Variants in HTR2A observed in about 807,000 individuals in gnomAD.
HTR2A encodes the protein 5-hydroxytryptamine receptor 2A.
HTR2A carries 14 observed loss-of-function variants against 31.0 expected under a neutral mutation model. That is an observed-to-expected ratio of 0.45 (90% confidence interval 0.30 to 0.71). HTR2A has a LOEUF of 0.71. Ranked by LOEUF, HTR2A falls within the 30% of genes least tolerant of loss-of-function variation. The pLI is 0.09. For missense variants in HTR2A, 442 were observed against 573.3 expected (o/e 0.77, Z 2.34); for synonymous variants, 209 against 225.2 (o/e 0.93, Z 0.64).
chr13:46,833,705 T>C lies in HTR2A; in HGVS notation c.*1132A>G, dbSNP rs1193970438. ...GAAGGCAAGGATTTTGTTTTAATTA[T>C]TTTTATATTTCTCATATCTAGAAAT... On this transcript the variant is annotated 3_prime_UTR_variant, in exon 4 of 4. Coordinates refer to ENST00000542664, the MANE Select transcript of HTR2A (RefSeq NM_000621.5). 2.0e-5 allele frequency: 3 copies of C among 152,220 alleles called. No homozygotes were observed. Among genetic ancestry groups the C allele is most frequent in the Non-Finnish European group, 2.9e-5 (2 of 68,044 alleles). 9.4% of individuals were successfully genotyped at this position (152,220 alleles called of 1,614,324 possible).
In HTR2A at chr13:46,835,131, T is replaced by A. The variant is rs368541492; in HGVS notation, c.1122A>T (p.Ala374=). Residue 374 remains alanine (A), a synonymous_variant, in exon 4 of 4, where the codon GCA becomes GCT. Transcript: ENST00000542664. ...VFVWIGYLSS[A]VNPLVYTLFN... is the part of the protein sequence containing the mutation. ...ACAGTGTGTAGACTAGTGGGTTGAC[T>A]GCTGAAGAGAGATAACCGATCCAAA... is the stretch of plus-strand genomic sequence containing the variant. 4 of 1,613,970 alleles carry A rather than the reference T, an allele frequency of 2.5e-6. No homozygotes were observed. In the South Asian group the frequency reaches 4.4e-5, roughly 18 times the overall value.
chr13:46,879,427 C>T (rs1950943102), intron 3 of HTR2A, among the ~76,000 whole-genome samples: 1 of 151,898 alleles, frequency 6.6e-6, no homozygotes, highest in Non-Finnish European at 1.5e-5. Context: ...AGGCTGCAGC[C>T]AATGTTGCTT....
At chr13:46,893,861 G>A (rs1951076000) in intron 2 of HTR2A, among the ~76,000 whole-genome samples, 1 of 152,168 alleles carries the variant, frequency 6.6e-6, no homozygotes, top group Admixed American at 6.5e-5. Flanking sequence ...AAACTCCAAC[G>A]CAAACGTACA....
intron 3 of HTR2A, among the ~76,000 whole-genome samples, chr13:46,874,331 C>T (rs1472268881): frequency 6.6e-6 from 1 of 152,182 alleles, no homozygotes; most frequent in Non-Finnish European, 1.5e-5. Flanking sequence ...CACAGGCTGG[C>T]ATCCTAGTGT....
intron 3 of HTR2A, among the ~76,000 whole-genome samples, chr13:46,876,758 C>T (rs1950917298): frequency 6.6e-6 from 1 of 152,072 alleles, no homozygotes; most frequent in African/African-American, 2.4e-5. Context: ...ATATATCTGT[C>T]AAACTCTTTT....
chr13:46,842,194 G>A (rs1566300512), intron 3 of HTR2A, among the ~76,000 whole-genome samples: 1 of 152,034 alleles, frequency 6.6e-6, no homozygotes, highest in Non-Finnish European at 1.5e-5. Context: ...TTTAATGAGT[G>A]GATATTACAC....
chr13:46,840,894 C>T (rs1472530704), intron 3 of HTR2A, among the ~76,000 whole-genome samples: 1 of 152,140 alleles, frequency 6.6e-6, no homozygotes, highest in Non-Finnish European at 1.5e-5. Context: ...TGGTTTCATT[C>T]TGTGTCTCCA....
intron 3 of HTR2A, among the ~76,000 whole-genome samples, chr13:46,867,976 A>G (rs1174949200): frequency 6.6e-6 from 1 of 152,242 alleles, no homozygotes; most frequent in Non-Finnish European, 1.5e-5. Flanking sequence ...CCACATTGTA[A>G]AGTGGAAAAT....
chr13:46,873,720 G>A (rs1352406037), intron 3 of HTR2A, among the ~76,000 whole-genome samples: 1 of 152,110 alleles, frequency 6.6e-6, no homozygotes, highest in East Asian at 1.9e-4. Context: ...CCTTGCGATA[G>A]TTTACTGAGA....
At chr13:46,881,806 G>T (rs1407833255) in intron 3 of HTR2A, among the ~76,000 whole-genome samples, 1 of 152,214 alleles carries the variant, frequency 6.6e-6, no homozygotes, top group African/African-American at 2.4e-5. Flanking sequence ...GTTTCAGGCT[G>T]TGGGGCTGGG....
At chr13:46,851,371 G>T (rs1167064971) in intron 3 of HTR2A, among the ~76,000 whole-genome samples, 5 of 152,184 alleles carry the variant, frequency 3.3e-5, no homozygotes, top group Non-Finnish European at 7.3e-5. Context: ...TTGATACATT[G>T]TATATTCTGG....
Position 46,896,633 on chromosome 13 carries a change from A to T in HTR2A, c.-329+41T>A, listed in dbSNP as rs1289282734. On this transcript the variant is annotated intron_variant, in intron 1 of 3. Coordinates refer to ENST00000542664, the MANE Select transcript of HTR2A (RefSeq NM_000621.5). ...CCAAGCATGATTTCAAACCGGAAAG[A>T]AAATTACACAGCAATAAAATATAGC... 4 of 1,426,934 alleles carry T rather than the reference A, an allele frequency of 2.8e-6. No homozygotes were observed. The East Asian group carries it at 1.0e-4, about 37-fold the overall frequency. 88.4% of individuals were successfully genotyped at this position (1,426,934 alleles called of 1,614,324 possible).
Position 46,854,948 on chromosome 13 carries a change from T to C in HTR2A, c.614-19309A>G, listed in dbSNP as rs144522864. On this transcript the variant is annotated intron_variant, in intron 3 of 3. Coordinates refer to ENST00000542664, the MANE Select transcript of HTR2A (RefSeq NM_000621.5). Reference sequence around the variant, plus strand: ...CCCTAATCCACTACGACTGAACTTATAAAAAGAGAAAAAATTTGGACGTGG... The same window carrying C: ...CCCTAATCCACTACGACTGAACTTACAAAAAGAGAAAAAATTTGGACGTGG... Among the ~76,000 whole-genome samples the C allele has an allele frequency of 2.7e-3, 411 of 152,196 alleles. 2 individuals are homozygous for C. The highest frequency in any genetic ancestry group is 0.01 in the Middle Eastern group (3 of 294).
intron 3 of HTR2A, among the ~76,000 whole-genome samples, chr13:46,883,784 C>T (rs9562689): frequency 0.17 from 25,832 of 152,118 alleles, 2,262 homozygotes; most frequent in East Asian, 0.25. Context: ...ATCACTCTCT[C>T]TCCACCCCGC....
At chr13:46,856,062 T>G (rs1950734300) in intron 3 of HTR2A, 1 of 152,224 alleles carries the variant, frequency 6.6e-6, no homozygotes, top group Admixed American at 6.5e-5. Context: ...CTTACCCTGC[T>G]TCATCCCTGG....
In HTR2A at chr13:46,834,615, T is replaced by C. The variant is rs1019589889; in HGVS notation, c.*222A>G. The stretch of plus-strand genomic sequence containing the variant: ...TATCATTTACAATGTTATAAATAAG[T>C]ATCAGAAAGCTCACAGCTGAAATGC... On this transcript the variant is annotated 3_prime_UTR_variant, in exon 4 of 4. Coordinates refer to ENST00000542664, the MANE Select transcript of HTR2A (RefSeq NM_000621.5). 9.7e-6 allele frequency: 5 copies of C among 512,870 alleles called. No individual in the cohort carries two copies. Among genetic ancestry groups the C allele is most frequent in the African/African-American group, 1.9e-5 (1 of 52,572 alleles). 31.8% of individuals were successfully genotyped at this position (512,870 alleles called of 1,614,324 possible). A position where few individuals can be genotyped will look rare whatever the true frequency, so the allele number is the denominator to read the frequency against.
intron 3 of HTR2A, among the ~76,000 whole-genome samples, chr13:46,888,470 G>GAAA (rs34023544): frequency 2.0e-5 from 3 of 146,962 alleles, no homozygotes; most frequent in Admixed American, 6.7e-5. Flanking sequence ...ATGAAGTGCT[G>GAAA]AAAAAAAAAA....
chr13:46,880,412 T>C (rs919433914), intron 3 of HTR2A, among the ~76,000 whole-genome samples: 1 of 152,184 alleles, frequency 6.6e-6, no homozygotes, highest in Non-Finnish European at 1.5e-5. Flanking sequence ...GCAGATGTTA[T>C]TCCTCTGCTT....
intron 3 of HTR2A, among the ~76,000 whole-genome samples, chr13:46,870,631 A>T (rs1950856953): frequency 6.6e-6 from 1 of 152,196 alleles, no homozygotes; most frequent in Non-Finnish European, 1.5e-5. Flanking sequence ...TTGCATCTCT[A>T]TTAGTAATTA....
Sources: gnomAD v4.1 joint callset for allele counts (sites outside exome capture counted in the v4.1 genomes callset) on GRCh38, gnomAD v4.1.1 for gene constraint, MANE v1.5 for transcripts, NCBI Gene and HGNC (gene_info 2026-07-23, HGNC 2026-07-21) for gene names.